Variants in CSMD1 observed in about 807,000 individuals in gnomAD.
CSMD1 encodes CUB and Sushi multiple domains 1.
In CSMD1, 213 loss-of-function variants were observed where a neutral mutation model predicts 417.5. The observed-to-expected ratio is 0.51, with a 90% CI of 0.46 to 0.57. CSMD1 has a LOEUF of 0.57. Among genes scored for constraint, CSMD1 ranks in the 20% least tolerant of loss-of-function variants. CSMD1 has a pLI of 0.00. For missense variants in CSMD1, 6,923 were observed against 4,529.7 expected, an observed-to-expected ratio of 1.53 and a Z score of -15.17; for synonymous variants, 2,862 against 1,736.8, an observed-to-expected ratio of 1.65 and a Z score of -16.11.
chr8:4,054,346 G>A (rs78534525), intron 3 of CSMD1, among the ~76,000 whole-genome samples: 1 of 152,108 alleles, frequency 6.6e-6, no homozygotes, highest in South Asian at 2.1e-4. Context: ...TGTGTGGTTT[G>A]ATCTATCTCT....
chr8:3,611,568 T>C (rs1292594252), intron 8 of CSMD1, among the ~76,000 whole-genome samples: 1 of 152,200 alleles, frequency 6.6e-6, no homozygotes, highest in Non-Finnish European at 1.5e-5. Flanking sequence ...TAAAGTTTTC[T>C]AATTTTCATT....
At chr8:3,753,716 G>C (rs1393576358) in intron 6 of CSMD1, among the ~76,000 whole-genome samples, 3 of 152,118 alleles carry the variant, frequency 2.0e-5, no homozygotes, top group Admixed American at 6.5e-5. Context: ...AGTGTATCAA[G>C]AAACTATACA....
intron 54 of CSMD1, among the ~76,000 whole-genome samples, chr8:2,981,138 T>A (rs781065520): frequency 6.6e-6 from 1 of 152,218 alleles, no homozygotes; most frequent in Non-Finnish European, 1.5e-5. Flanking sequence ...ATAATTTGAT[T>A]TATTTGTCCA....
intron 1 of CSMD1, among the ~76,000 whole-genome samples, chr8:4,882,220 C>T (rs1163671221): frequency 1.3e-5 from 2 of 151,944 alleles, no homozygotes; most frequent in Non-Finnish European, 2.9e-5. Flanking sequence ...TTCCCACACA[C>T]TGGGACCAGC....
intron 1 of CSMD1, among the ~76,000 whole-genome samples, chr8:4,903,262 T>C (rs984529888): frequency 1.3e-5 from 2 of 152,216 alleles, no homozygotes; most frequent in African/African-American, 2.4e-5. Context: ...GTCATCTTCA[T>C]TCCCTGGAGT....
At chr8:4,376,452 C>G (rs775459509) in intron 3 of CSMD1, among the ~76,000 whole-genome samples, 92 of 152,188 alleles carry the variant, frequency 6.0e-4, no homozygotes, top group Non-Finnish European at 1.1e-3. Context: ...TCGGCTTATT[C>G]TGTAGAAACA....
At chr8:4,779,667 G>A (rs923746870) in intron 1 of CSMD1, among the ~76,000 whole-genome samples, 3 of 152,138 alleles carry the variant, frequency 2.0e-5, no homozygotes, top group Non-Finnish European at 2.9e-5. Flanking sequence ...TTTATAAATA[G>A]TCTCCATTGC....
chr8:3,306,053 T>C (rs1462653151), intron 25 of CSMD1, among the ~76,000 whole-genome samples: 1 of 152,158 alleles, frequency 6.6e-6, no homozygotes, highest in African/African-American at 2.4e-5. Flanking sequence ...TATGCTTTAA[T>C]TGTTGTTCTT....
chr8:3,503,831 T>A (rs1440342611), intron 10 of CSMD1, among the ~76,000 whole-genome samples: 2 of 50,670 alleles, frequency 3.9e-5, no homozygotes, highest in African/African-American at 6.5e-5. Flanking sequence ...CCATCCCCCC[T>A]TGCCCCCCCC....
rs1799809184 is a variant in CSMD1, at chr8:4,461,415, A to ATTTTTATTTTCCT, written c.303-41351_303-41350insAGGAAAATAAAAA. On this transcript the variant is annotated intron_variant, in intron 2 of 69. Transcript: ENST00000635120. ...AAAGATAGGTAAAGAAGATAAAAAT[A>ATTTTTATTTTCCT]TAACTATTTACAAATCACATGATCT... Among the ~76,000 whole-genome samples the ATTTTTATTTTCCT allele has an allele frequency of 2.0e-5, 3 of 152,108 alleles. No individual in the cohort carries two copies. In the East Asian group the frequency reaches 5.8e-4, roughly 29 times the overall value.
Position 3,396,318 on chromosome 8 carries a change from T to G in CSMD1, c.2469A>C (p.Pro823=), listed in dbSNP as rs749935498. 6.2e-6 allele frequency: 10 copies of G among 1,608,362 alleles called. No homozygotes were observed. The East Asian group carries it at 1.8e-4, about 29-fold the overall frequency. ...EVRDGPASSS[P]LIGEYHGTQA... ...GGGTGCCGTGGTACTCGCCGATCAG[T>G]GGGGACGAACTGGCTGGCCCATCTC... Residue 823 remains proline (P), a synonymous_variant, in exon 17 of 70, where the codon CCA becomes CCC. Transcript: ENST00000635120.
chr8:4,050,199 A>T (rs1798351628), intron 3 of CSMD1, among the ~76,000 whole-genome samples: 1 of 152,060 alleles, frequency 6.6e-6, no homozygotes, highest in African/African-American at 2.4e-5. Flanking sequence ...TGACTTGATC[A>T]CTTGGCTAGG....
At chr8:3,697,540 T>C (rs1306687903) in intron 7 of CSMD1, among the ~76,000 whole-genome samples, 1 of 152,212 alleles carries the variant, frequency 6.6e-6, no homozygotes, top group African/African-American at 2.4e-5. Flanking sequence ...TTTCTGACTT[T>C]AGTTACTCAC....
chr8:4,161,642 G>A (rs978325450), intron 3 of CSMD1, among the ~76,000 whole-genome samples: 2 of 152,024 alleles, frequency 1.3e-5, no homozygotes, highest in Non-Finnish European at 2.9e-5. Flanking sequence ...AGTTTAATGT[G>A]TTCTTCCAAC....
chr8:4,597,609 T>C (rs928237903), intron 2 of CSMD1, among the ~76,000 whole-genome samples: 1 of 152,140 alleles, frequency 6.6e-6, no homozygotes, highest in Non-Finnish European at 1.5e-5. Flanking sequence ...GAAAATGGAA[T>C]ATTTAAGACC....
chr8:4,387,065 G>A (rs576521244), intron 3 of CSMD1, among the ~76,000 whole-genome samples: 5 of 152,156 alleles, frequency 3.3e-5, no homozygotes, highest in African/African-American at 1.2e-4. Context: ...AACATAAAAC[G>A]GATGCACAGA....
chr8:4,007,817 G>A lies in CSMD1; in HGVS notation c.611-9707C>T, dbSNP rs1456647256. The stretch of plus-strand genomic sequence containing the variant: ...AAAATATATTTAGGGGGCTATGCAC[G>A]GAATCAAACCATATCCTCTCTAAGA... On this transcript the variant is annotated intron_variant, in intron 4 of 69. Transcript: ENST00000635120. 2.6e-5 allele frequency among the ~76,000 whole-genome samples: 4 copies of A among 151,942 alleles called. No homozygotes were observed. In the East Asian group the frequency reaches 5.8e-4, roughly 22 times the overall value.
chr8:3,238,504 G>A (rs1265003218), intron 26 of CSMD1, among the ~76,000 whole-genome samples: 4 of 152,054 alleles, frequency 2.6e-5, no homozygotes, highest in Admixed American at 6.6e-5. Context: ...CATAATGGGC[G>A]ATGTTTCTCA....
At chr8:4,288,399 A>T (rs1797177879) in intron 3 of CSMD1, among the ~76,000 whole-genome samples, 1 of 152,162 alleles carries the variant, frequency 6.6e-6, no homozygotes, top group Non-Finnish European at 1.5e-5. Flanking sequence ...TGACCTACAA[A>T]TATCTCAGGC....
Sources: allele counts gnomAD v4.1 joint callset (sites outside exome capture counted in the v4.1 genomes callset), GRCh38; gene constraint gnomAD v4.1.1; transcripts MANE v1.5; gene names NCBI Gene and HGNC (gene_info 2026-07-23, HGNC 2026-07-21).